Variants in AP1M2 observed in about 807,000 individuals in gnomAD.
The protein encoded by AP1M2 is adaptor related protein complex 1 subunit mu 2, also known as AP-1 complex subunit mu-2.
AP1M2 carries 41 observed loss-of-function variants against 54.6 expected under a neutral mutation model. The observed-to-expected ratio is 0.75, with a 90% confidence interval of 0.59 to 0.97. AP1M2 has a LOEUF of 0.97. Among genes scored for constraint, AP1M2 ranks in the 50% least tolerant of loss-of-function variants. The pLI, the probability that AP1M2 is intolerant of heterozygous loss-of-function variation, is 0.00. For missense variants in AP1M2, 507 were observed against 561.2 expected, an observed-to-expected ratio of 0.90 and a Z score of 0.98; for synonymous variants, 219 against 215.9, an observed-to-expected ratio of 1.01 and a Z score of -0.13.
intron 1 of AP1M2, among the ~76,000 whole-genome samples, chr19:10,584,295 C>T (rs1016781233): frequency 3.3e-5 from 5 of 152,080 alleles, no homozygotes; most frequent in African/African-American, 1.2e-4. Context: ...AAAGGGTAGG[C>T]GATGGCTGGA....
intron 9 of AP1M2, 100 bp from the exon 10 acceptor site, chr19:10,575,129 T>C (rs895730473): frequency 7.9e-7 from 1 of 1,261,208 alleles, no homozygotes; most frequent in Non-Finnish European, 1.0e-6. Context: ...ACAGCCCATT[T>C]CACAGACAGG....
Position 10,581,494 on chromosome 19 carries a change from T to C in AP1M2, c.539A>G (p.Asn180Ser). Residue 180 changes from asparagine (N) to serine (S), a missense_variant, in exon 5 of 12, where the codon AAC becomes AGC. Physicochemically the swap from Asn to Ser is conservative, Grantham distance 46 (BLOSUM62 1). Transcript: ENST00000250244. ...EVFIDVIESV[N>S]LLVNANGSVL... The stretch of plus-strand genomic sequence containing the variant: ...GGAGGTGTGCAGGCTCACCAGCAGG[T>C]TGACAGACTCTATGACATCAATGAA... The C allele has an allele frequency of 3.1e-6, 5 of 1,613,900 alleles. No homozygotes were observed. The highest frequency in any genetic ancestry group is 1.7e-6 in the Non-Finnish European group (2 of 1,179,828).
chr19:10,581,537 A>T lies in AP1M2; in HGVS notation c.496T>A (p.Tyr166Asn), dbSNP rs1917458760. 1 of 1,613,886 alleles carries T rather than the reference A, an allele frequency of 6.2e-7. No homozygotes were observed. The change falls in exon 5 of 12, where the codon TAT becomes AAT. Residue 166 changes from tyrosine (Y) to asparagine (N), a missense_variant. Tyr to Asn is a moderately radical substitution (Grantham distance 143, BLOSUM62 -2). Transcript: ENST00000250244. Reference sequence around the variant, plus strand: ...TCAATGAAGACCTCGTTCTTCTTATACTTGATACCCTCGGAGCGCCAGGAC... The same window carrying T: ...TCAATGAAGACCTCGTTCTTCTTATTCTTGATACCCTCGGAGCGCCAGGAC... ...AVSWRSEGIK[Y>N]KKNEVFIDVI...
At chr19:10,575,716 C>T (rs377730202) in intron 9 of AP1M2, among the ~76,000 whole-genome samples, 14 of 151,920 alleles carry the variant, frequency 9.2e-5, no homozygotes, top group Non-Finnish European at 1.5e-4. Flanking sequence ...TGCATACATA[C>T]GTACCTCTCT....
At chr19:10,586,283 GA>G (rs34958500) in intron 1 of AP1M2, among the ~76,000 whole-genome samples, 32,916 of 125,758 alleles carry the variant, frequency 0.26, 4,746 homozygotes, top group East Asian at 0.66. Context: ...ACTCTGTCTT[GA>G]AAAAAAAAAA....
At chr19:10,582,509 G>A (rs1231612119) in intron 3 of AP1M2, among the ~76,000 whole-genome samples, 1 of 151,876 alleles carries the variant, frequency 6.6e-6, no homozygotes. Context: ...CCAACAATGG[G>A]AGGCCAAGGG....
At chr19:10,577,755 T>TTTTTTTTTTG (rs1401635898) in intron 8 of AP1M2, among the ~76,000 whole-genome samples, 2 of 108,498 alleles carry the variant, frequency 1.8e-5, no homozygotes, top group African/African-American at 3.5e-5. Context: ...TTTTTTTTTT[T>TTTTTTTTTTG]AGACGGAGTC....
chr19:10,574,842 G>T, intron 10 of AP1M2, 62 bp downstream of exon 10: 3 of 1,535,548 alleles, frequency 2.0e-6, no homozygotes, highest in Admixed American at 4.0e-5. Flanking sequence ...CGAGCCAAGG[G>T]ACAGGAGAGA....
intron 9 of AP1M2, among the ~76,000 whole-genome samples, chr19:10,576,258 ATT>A (rs34667196): frequency 3.8e-4 from 31 of 82,538 alleles, no homozygotes; most frequent in African/African-American, 8.4e-4. Context: ...TGCCCGGCTA[ATT>A]TTTTTTTTTT....
chr19:10,583,774 A>AC (rs750810197), intron 2 of AP1M2, 101 bp from the exon 3 acceptor site: 1 of 1,483,022 alleles, frequency 6.7e-7, no homozygotes, highest in South Asian at 1.2e-5. Context: ...CCTCATCTCT[A>AC]CCTGCCCCTG....
chr19:10,585,276 GAAGAAAAAAAGAAAGAAAGA>G (rs1277183607), intron 1 of AP1M2, among the ~76,000 whole-genome samples: 3,223 of 77,388 alleles, frequency 0.042, 192 homozygotes, highest in African/African-American at 0.09. Context: ...AAGAAAGAAA[GAAGAAAAAAAGAAAGAAAGA>G]AAGAAAGAAA....
At chr19:10,584,836 G>A (rs537886341) in intron 1 of AP1M2, 1 of 151,944 alleles carries the variant, frequency 6.6e-6, no homozygotes, top group Non-Finnish European at 1.5e-5. Context: ...GGAAACTGGG[G>A]ATTGATCTAA....
chr19:10,573,660 C>CT lies in AP1M2; in HGVS notation c.1250-573dup, dbSNP rs35697396. ...TGACAACTGTCCCTGCTTTTTTTTC[C>CT]TTTTTTTTTTTTTTTTTTTTTGAGC... On this transcript the variant is annotated intron_variant, in intron 11 of 11. Transcript: ENST00000250244. Among the ~76,000 whole-genome samples the CT allele has an allele frequency of 8.9e-3, 974 of 109,438 alleles. 7 individuals are homozygous for CT. The highest frequency in any genetic ancestry group is 0.013 in the Middle Eastern group (2 of 156). 71.8% of individuals were successfully genotyped at this position (109,438 alleles called of 152,430 possible). A position where few individuals can be genotyped will look rare whatever the true frequency, so the allele number is the denominator to read the frequency against.
intron 11 of AP1M2, among the ~76,000 whole-genome samples, chr19:10,574,107 C>G (rs1022502382): frequency 2.0e-5 from 3 of 152,170 alleles, no homozygotes; most frequent in African/African-American, 7.2e-5. Flanking sequence ...ACTGCAACCT[C>G]CACCTCCCGG....
At position 10,575,377 on chromosome 19, in the gene AP1M2, G is replaced by GT. The variant is rs200997223; in HGVS notation, c.1048-349dup. Among the ~76,000 whole-genome samples, 190 of 152,038 alleles carry GT rather than the reference G, an allele frequency of 1.2e-3. 4 individuals are homozygous for GT. The East Asian group carries it at 0.033, about 26-fold the overall frequency. ...ATTCTGACTGCAAAACCCAATCAGG[G>GT]TTTTTTTCTTTTTTTAACTACCATG... On this transcript the variant is annotated intron_variant, in intron 9 of 11. Transcript: ENST00000250244.
chr19:10,584,994 C>T (rs1917581847), intron 1 of AP1M2: 1 of 151,690 alleles, frequency 6.6e-6, no homozygotes, highest in East Asian at 1.9e-4. Flanking sequence ...GCAGGAGGAT[C>T]CCTTGAGGCC....
At position 10,584,086 on chromosome 19, in the gene AP1M2, A is replaced by G; in HGVS notation, c.43-16T>C. The G allele has an allele frequency of 6.2e-7, 1 of 1,604,776 alleles. No individual in the cohort carries two copies. Among genetic ancestry groups the G allele is most frequent in the African/African-American group, 1.3e-5 (1 of 74,892 alleles). ...TGATCAATGGCTGAGGGTGGAAGGA[A>G]AGGACCTGGTCACCACCAGCATCCA... On this transcript the variant is annotated splice_polypyrimidine_tract_variant and intron_variant, in intron 1 of 11. Transcript: ENST00000250244.
At position 10,578,909 on chromosome 19, in the gene AP1M2, C is replaced by T. The variant is rs758579812; in HGVS notation, c.871G>A (p.Val291Met). 11 of 1,608,272 alleles carry T rather than the reference C, an allele frequency of 6.8e-6. No homozygotes were observed. Among genetic ancestry groups the T allele is most frequent in the South Asian group, 1.1e-5 (1 of 89,616 alleles). The change falls in exon 8 of 12, where the codon GTG becomes ATG. Residue 291 changes from valine to methionine, a missense_variant. By Grantham distance (21) the Val-to-Met change is conservative. Coordinates refer to ENST00000250244, the MANE Select transcript of AP1M2 (RefSeq NM_005498.5). Reference protein sequence around the residue: ...SVIEKFSHSRVEIMVKAKGQF... With the variant: ...SVIEKFSHSRMEIMVKAKGQF... ...AGGCCCACCTTGACCATGATCTCCA[C>T]GCGGCTGTGGGAGAACTTCTCAATG... is the stretch of plus-strand genomic sequence containing the variant.
At chr19:10,581,671 A>G in intron 4 of AP1M2, 37 bp from the exon 5 acceptor site, 2 of 1,612,844 alleles carry the variant, frequency 1.2e-6, no homozygotes, top group East Asian at 2.2e-5. Flanking sequence ...AGCTGGACCC[A>G]GGGACACCTC....
Sources: allele counts gnomAD v4.1 joint callset (sites outside exome capture counted in the v4.1 genomes callset), GRCh38; gene constraint gnomAD v4.1.1; transcripts MANE v1.5; gene names NCBI Gene and HGNC (gene_info 2026-07-23, HGNC 2026-07-21).